RUNX1: variants seen among roughly 807,000 people sequenced by gnomAD.
RUNX1 encodes the protein RUNX family transcription factor 1.
In RUNX1, 19 loss-of-function variants were observed where a neutral mutation model predicts 42.8. The observed-to-expected ratio is 0.44, with a 90% CI of 0.31 to 0.65. RUNX1 has a LOEUF of 0.65. Among genes scored for constraint, RUNX1 ranks in the 30% least tolerant of loss-of-function variants. RUNX1 has a pLI of 0.07. For synonymous variants in RUNX1, 271 were observed against 289.4 expected, an observed-to-expected ratio of 0.94 and a Z score of 0.64; for missense variants, 528 against 672.0, an observed-to-expected ratio of 0.79 and a Z score of 2.37.
intron 2 of RUNX1, among the ~76,000 whole-genome samples, chr21:34,912,695 G>A (rs960393384): frequency 2.6e-5 from 4 of 152,168 alleles, no homozygotes; most frequent in African/African-American, 9.7e-5. Flanking sequence ...TGAGATGCAG[G>A]CATTTGGAAA....
At chr21:34,922,709 C>T (rs1373182739) in intron 2 of RUNX1, among the ~76,000 whole-genome samples, 1 of 152,126 alleles carries the variant, frequency 6.6e-6, no homozygotes, top group African/African-American at 2.4e-5. Context: ...GGGGAAGCCC[C>T]CTGTTCCCTC....
chr21:34,793,900 C>T (rs905556753), intron 8 of RUNX1, among the ~76,000 whole-genome samples: 6 of 151,848 alleles, frequency 4.0e-5, no homozygotes, highest in African/African-American at 1.2e-4. Context: ...GATGAGATTT[C>T]ACCACGTTGG....
chr21:34,934,105 C>T (rs1164641763), intron 2 of RUNX1, among the ~76,000 whole-genome samples: 1 of 152,134 alleles, frequency 6.6e-6, no homozygotes, highest in Non-Finnish European at 1.5e-5. Flanking sequence ...ATTCGTACAG[C>T]TTTTCTGTGT....
chr21:34,992,905 TGAG>T (rs1348862102), intron 2 of RUNX1, among the ~76,000 whole-genome samples: 1 of 151,764 alleles, frequency 6.6e-6, no homozygotes, highest in Non-Finnish European at 1.5e-5. Context: ...GGGCTAGCAA[TGAG>T]GAGGATGACT....
At chr21:35,001,107 T>C (rs2059038663) in intron 2 of RUNX1, among the ~76,000 whole-genome samples, 1 of 152,212 alleles carries the variant, frequency 6.6e-6, no homozygotes, top group African/African-American at 2.4e-5. Flanking sequence ...CGACTAATGC[T>C]GGTTTTACCT....
rs1378769600 is a variant in RUNX1 at position 34,791,645 on chromosome 21, TTAAAAA to T, written c.*484_*489del. On this transcript the variant is annotated 3_prime_UTR_variant, in exon 9 of 9. Coordinates refer to ENST00000675419, the MANE Select transcript of RUNX1 (RefSeq NM_001754.5). ...TTGCAATTGATAAGGTGCGGAAAAATTAAAAATAAGAATTAGATGCCAAACAGGGCG... is the reference window on the plus strand; with the variant it reads ...TTGCAATTGATAAGGTGCGGAAAAATTAAGAATTAGATGCCAAACAGGGCG... 1 of 230,604 alleles carries T rather than the reference TTAAAAA, an allele frequency of 4.3e-6. No individual in the cohort carries two copies. Among genetic ancestry groups the T allele is most frequent in the African/African-American group, 2.2e-5 (1 of 45,040 alleles). 14.3% of individuals were successfully genotyped at this position (230,604 alleles called of 1,614,324 possible).
intron 2 of RUNX1, among the ~76,000 whole-genome samples, chr21:35,040,784 A>AAAAAAAAAAAAC (rs2059352850): frequency 6.6e-6 from 1 of 150,766 alleles, no homozygotes; most frequent in Non-Finnish European, 1.5e-5. Context: ...AAAAAAAAAA[A>AAAAAAAAAAAAC]AAAAAAAAAA....
chr21:35,003,647 C>T (rs1364898813), intron 2 of RUNX1, among the ~76,000 whole-genome samples: 1 of 152,150 alleles, frequency 6.6e-6, no homozygotes, highest in East Asian at 1.9e-4. Context: ...CACAAAGCCA[C>T]AGCTTTATCT....
chr21:35,025,586 A>T (rs149387644), intron 2 of RUNX1, among the ~76,000 whole-genome samples: 1 of 152,332 alleles, frequency 6.6e-6, no homozygotes, highest in East Asian at 1.9e-4. Flanking sequence ...GTCACCATAA[A>T]GTTGAGTTAT....
At chr21:35,010,462 T>C (rs1250816962) in intron 2 of RUNX1, among the ~76,000 whole-genome samples, 1 of 152,214 alleles carries the variant, frequency 6.6e-6, no homozygotes, top group African/African-American at 2.4e-5. Context: ...ATGTCCTTTG[T>C]TGACGAGAAT....
chr21:34,948,073 A>C (rs986096630), intron 2 of RUNX1, among the ~76,000 whole-genome samples: 1 of 150,860 alleles, frequency 6.6e-6, no homozygotes, highest in Non-Finnish European at 1.5e-5. Flanking sequence ...CCCCGACATA[A>C]ATTCAAAAGA....
At chr21:34,806,688 C>T (rs1361140999) in intron 7 of RUNX1, among the ~76,000 whole-genome samples, 1 of 152,152 alleles carries the variant, frequency 6.6e-6, no homozygotes, top group Non-Finnish European at 1.5e-5. Flanking sequence ...CTTCAGCTCA[C>T]ATGGAAGATT....
At chr21:34,817,690 G>A (rs558581203) in intron 7 of RUNX1, among the ~76,000 whole-genome samples, 6 of 152,254 alleles carry the variant, frequency 3.9e-5, no homozygotes, top group South Asian at 2.1e-4. Flanking sequence ...GTTGGCTCTC[G>A]CAGTAAAGAG....
In RUNX1 at chr21:35,049,035, C is replaced by A. The variant is rs1012554077; in HGVS notation, c.-59-77G>T. The A allele has an allele frequency of 1.9e-5, 15 of 773,638 alleles. No homozygotes were observed. The African/African-American group carries it at 2.4e-4, about 12-fold the overall frequency. The allele number at this position is 773,638 out of a possible 1,614,324, so 47.9% of individuals were successfully genotyped here. A position where few individuals can be genotyped will look rare whatever the true frequency, so the allele number is the denominator to read the frequency against. ...CCTACATCTCTCTTTCTTCTCCCCT[C>A]TGCTGGATACCTCTGGGACTCCCCA... On this transcript the variant is annotated intron_variant, in intron 1 of 8. Coordinates refer to ENST00000675419, the MANE Select transcript of RUNX1 (RefSeq NM_001754.5).
At chr21:34,968,262 G>C (rs985601376) in intron 2 of RUNX1, among the ~76,000 whole-genome samples, 7 of 152,218 alleles carry the variant, frequency 4.6e-5, no homozygotes, top group Admixed American at 3.3e-4. Flanking sequence ...TCTCTTCGCA[G>C]AGTCTCTTAG....
chr21:35,040,782 A>AC (rs2059352690), intron 2 of RUNX1, among the ~76,000 whole-genome samples: 1 of 150,900 alleles, frequency 6.6e-6, no homozygotes, highest in African/African-American at 2.4e-5. Context: ...AAAAAAAAAA[A>AC]AAAAAAAAAA....
chr21:34,950,526 G>A (rs1014098767), intron 2 of RUNX1, among the ~76,000 whole-genome samples: 1 of 152,290 alleles, frequency 6.6e-6, no homozygotes, highest in African/African-American at 2.4e-5. Context: ...ATCACTTGAG[G>A]TCAGGAGTTC....
intron 4 of RUNX1, 145 bp from the exon 5 acceptor site, chr21:34,880,858 G>T: frequency 1.2e-6 from 1 of 826,500 alleles, no homozygotes; most frequent in Non-Finnish European, 1.9e-6. Context: ...GATAACTTAA[G>T]CAAAACAACA....
chr21:34,792,087 A>G lies in RUNX1; in HGVS notation c.*48T>C, dbSNP rs2145871094. ...GCGAACAGGAGGCCCGCGCGCCCGG[A>G]GGCGAAGGCGGCGGCCCGCGGGGCC... On this transcript the variant is annotated 3_prime_UTR_variant, in exon 9 of 9. Transcript: ENST00000675419. This position sits in a 1 kb window ranked among gnomAD's most constrained non-coding sequence, Gnocchi z 6.9. 1 of 1,195,912 alleles carries G rather than the reference A, an allele frequency of 8.4e-7. No homozygotes were observed. Among genetic ancestry groups the G allele is most frequent in the Non-Finnish European group, 1.1e-6 (1 of 931,460 alleles). The allele number at this position is 1,195,912 out of a possible 1,614,324, so 74.1% of individuals were successfully genotyped here.
Sources: allele counts gnomAD v4.1 joint callset (sites outside exome capture counted in the v4.1 genomes callset), GRCh38; gene constraint gnomAD v4.1.1; non-coding constraint Gnocchi (gnomAD v3.1); transcripts MANE v1.5; gene names NCBI Gene and HGNC (gene_info 2026-07-23, HGNC 2026-07-21).